Variants in CNNM4 observed in about 807,000 individuals in gnomAD.
CNNM4 encodes the protein cyclin and CBS domain divalent metal cation transport mediator 4, also known as metal transporter CNNM4.
A neutral mutation model predicts 53.7 loss-of-function variants in CNNM4; 32 were observed. The ratio of observed to expected loss-of-function variants is 0.60; its 90% CI spans 0.45 to 0.80. The LOEUF is 0.80. Ranked by LOEUF, CNNM4 falls within the 30% of genes least tolerant of loss-of-function variation. CNNM4 has a pLI of 0.00. For synonymous variants in CNNM4, 410 were observed against 440.0 expected (o/e 0.93, Z 0.85); for missense variants, 784 against 1,022.0 (o/e 0.77, Z 3.17).
chr2:96,786,389 G>A (rs2079016520), intron 1 of CNNM4, among the ~76,000 whole-genome samples: 1 of 151,740 alleles, frequency 6.6e-6, no homozygotes. Context: ...ACTCCAGCCT[G>A]GGTGGCAGAG....
chr2:96,791,253 C>A (rs886465728), intron 1 of CNNM4, among the ~76,000 whole-genome samples: 1 of 152,084 alleles, frequency 6.6e-6, no homozygotes, highest in Non-Finnish European at 1.5e-5. Context: ...CAGGTGTAAG[C>A]CACAGCGCCC....
intron 5 of CNNM4, among the ~76,000 whole-genome samples, chr2:96,802,171 GAC>G (rs147284099): frequency 7.5e-4 from 113 of 149,906 alleles, no homozygotes; most frequent in South Asian, 6.6e-3. Context: ...TACACCCATA[GAC>G]ACACACACAC....
intron 5 of CNNM4, among the ~76,000 whole-genome samples, chr2:96,803,647 A>C (rs1178360228): frequency 6.6e-6 from 1 of 151,560 alleles, no homozygotes; most frequent in Non-Finnish European, 1.5e-5. Context: ...AATCGCTTGA[A>C]CCCAGGAGGC....
chr2:96,799,099 T>G lies in CNNM4; in HGVS notation c.1724T>G (p.Leu575Arg). The change falls in exon 4 of 7, where the codon CTG becomes CGG. Residue 575 changes from leucine to arginine, a missense_variant. Leu to Arg is a moderately radical substitution (Grantham distance 102). Around this residue, in one of 3 missense-constraint regions of CNNM4, gnomAD observed 307 missense variants for 376.3 expected, o/e 0.82. Coordinates refer to ENST00000377075, the MANE Select transcript of CNNM4 (RefSeq NM_020184.4). ...FSPSLISEKI[L>R]LRLLKYPDVI... is the part of the protein sequence containing the mutation. ...CCCTCCCTGATATCAGAGAAGATCC[T>G]GCTGCGGCTACTCAAGTACCCAGAT... The G allele has an allele frequency of 6.2e-7, 1 of 1,614,182 alleles. No homozygotes were observed. The highest frequency in any genetic ancestry group is 1.6e-4 in the Middle Eastern group (1 of 6,062).
intron 1 of CNNM4, among the ~76,000 whole-genome samples, chr2:96,786,644 T>A (rs2079018615): frequency 2.0e-5 from 3 of 151,770 alleles, no homozygotes; most frequent in Admixed American, 2.0e-4. Flanking sequence ...CTCAGCGTGG[T>A]GGCAGGCACC....
intron 5 of CNNM4, among the ~76,000 whole-genome samples, chr2:96,807,267 C>G (rs2079217911): frequency 6.6e-6 from 1 of 152,134 alleles, no homozygotes; most frequent in Admixed American, 6.5e-5. Flanking sequence ...CATCGGCCTC[C>G]TAAGGTGCTT....
In CNNM4 at chr2:96,805,434, T is replaced by TA. The variant is rs1453548147; in HGVS notation, c.1949-3127_1949-3126insA. Among the ~76,000 whole-genome samples, 4 of 139,404 alleles carry TA rather than the reference T, an allele frequency of 2.9e-5. 1 individual carries two copies. Among genetic ancestry groups the TA allele is most frequent in the South Asian group, 4.2e-4 (2 of 4,750 alleles). The allele number at this position is 139,404 out of a possible 152,430, so 91.5% of individuals were successfully genotyped here. The stretch of plus-strand genomic sequence containing the variant: ...TTCTTTTCAGTTTTTTTTTTTTTTT[T>TA]TTTTTATTATTTTTTTTTAAATTTA... On this transcript the variant is annotated intron_variant, in intron 5 of 6. Coordinates refer to ENST00000377075, the MANE Select transcript of CNNM4 (RefSeq NM_020184.4).
intron 5 of CNNM4, among the ~76,000 whole-genome samples, chr2:96,802,939 A>G (rs1328543823): frequency 6.6e-6 from 1 of 152,132 alleles, no homozygotes; most frequent in Non-Finnish European, 1.5e-5. Flanking sequence ...GCCTGTGCCC[A>G]TCAGGAGCAG....
intron 1 of CNNM4, among the ~76,000 whole-genome samples, chr2:96,777,468 C>T (rs546158877): frequency 2.4e-4 from 36 of 152,252 alleles, no homozygotes; most frequent in Admixed American, 1.2e-3. Context: ...CACTTTACAA[C>T]CTCCTGAGTA....
chr2:96,761,218 C>T lies in CNNM4; in HGVS notation c.219C>T (p.Thr73=), dbSNP rs770840063. 5 of 1,614,126 alleles carry T rather than the reference C, an allele frequency of 3.1e-6. No individual in the cohort carries two copies. Among genetic ancestry groups the T allele is most frequent in the South Asian group, 1.1e-5 (1 of 91,086 alleles). The change falls in exon 1 of 7, where the codon ACC becomes ACT. Residue 73 remains threonine, a synonymous_variant. Coordinates refer to ENST00000377075, the MANE Select transcript of CNNM4 (RefSeq NM_020184.4). The surrounding 1 kb of genome is among the most constrained non-coding windows in gnomAD (Gnocchi z 6.0). Reference sequence around the variant, plus strand: ...TCATCTTCGTGTCCGAGGGCAGCACCGTGAACCTGAGGCTGTACGGCTACA... The same window carrying T: ...TCATCTTCGTGTCCGAGGGCAGCACTGTGAACCTGAGGCTGTACGGCTACA... ...DGIIFVSEGS[T]VNLRLYGYSL...
intron 1 of CNNM4, among the ~76,000 whole-genome samples, chr2:96,779,020 G>A (rs1403855266): frequency 6.6e-6 from 1 of 151,834 alleles, no homozygotes; most frequent in Non-Finnish European, 1.5e-5. Flanking sequence ...GCAGTGGCGC[G>A]ATTTTGGCTC....
At position 96,809,242 on chromosome 2, in the gene CNNM4, G is replaced by A. The variant is rs773781250; in HGVS notation, c.2131-78G>A. ...TCTCTCAACTCACAGCCTCAATCCT[G>A]GCCCTGTTTCTCCAGGCCTGGTGAT... On this transcript the variant is annotated intron_variant, in intron 6 of 6. Coordinates refer to ENST00000377075, the MANE Select transcript of CNNM4 (RefSeq NM_020184.4). 36 of 1,590,506 alleles carry A rather than the reference G, an allele frequency of 2.3e-5. No individual in the cohort carries two copies. The Middle Eastern group carries it at 1.2e-3, about 51-fold the overall frequency.
chr2:96,809,601 A>C lies in CNNM4; in HGVS notation c.*84A>C. 8.2e-7 allele frequency: 1 copy of C among 1,226,848 alleles called. No individual in the cohort carries two copies. The highest frequency in any genetic ancestry group is 1.2e-6 in the Non-Finnish European group (1 of 842,832). The allele number at this position is 1,226,848 out of a possible 1,614,324, so 76.0% of individuals were successfully genotyped here. On this transcript the variant is annotated 3_prime_UTR_variant, in exon 7 of 7. Transcript: ENST00000377075. ...AAGAGAGGGAACCTGTTAGTCCAGA[A>C]AGGATACGGATAGATAGCCTGTCTG... is the stretch of plus-strand genomic sequence containing the variant.
In CNNM4 at chr2:96,761,179, G is replaced by T; in HGVS notation, c.180G>T (p.Thr60=). The T allele has an allele frequency of 6.2e-7, 1 of 1,613,202 alleles. No homozygotes were observed. Among genetic ancestry groups the T allele is most frequent in the Non-Finnish European group, 8.5e-7 (1 of 1,179,314 alleles). ...RLASCNKSCG[T]NPDGIIFVSE... Reference sequence around the variant, plus strand: ...CGAGCTGCAACAAGTCGTGTGGGACGAACCCGGATGGCATCATCTTCGTGT... The same window carrying T: ...CGAGCTGCAACAAGTCGTGTGGGACTAACCCGGATGGCATCATCTTCGTGT... Residue 60 remains threonine (T), a synonymous_variant, in exon 1 of 7, where the codon ACG becomes ACT. Coordinates refer to ENST00000377075, the MANE Select transcript of CNNM4 (RefSeq NM_020184.4). This position sits in a 1 kb window ranked among gnomAD's most constrained non-coding sequence, Gnocchi z 6.0.
chr2:96,760,911 G>C lies in CNNM4; in HGVS notation c.-89G>C, dbSNP rs1218332677. The C allele has an allele frequency of 9.7e-6, 7 of 723,814 alleles. No individual in the cohort carries two copies. Among genetic ancestry groups the C allele is most frequent in the East Asian group, 1.3e-4 (1 of 7,672 alleles). The allele number at this position is 723,814 out of a possible 1,614,324, so 44.8% of individuals were successfully genotyped here. ...GGCTCGCGGCCCGGGCAGTTGGCTC[G>C]GCGGCAGCGGAGCGGCCGGAGCTGC... is the stretch of plus-strand genomic sequence containing the variant. On this transcript the variant is annotated 5_prime_UTR_variant, in exon 1 of 7. Coordinates refer to ENST00000377075, the MANE Select transcript of CNNM4 (RefSeq NM_020184.4).
Position 96,808,530 on chromosome 2 carries a change from T to G in CNNM4, c.1949-31T>G. The G allele has an allele frequency of 6.2e-7, 1 of 1,613,440 alleles. No homozygotes were observed. The highest frequency in any genetic ancestry group is 8.5e-7 in the Non-Finnish European group (1 of 1,179,610). ...GGTGAGAGTGGGCATCGGAGTGGCC[T>G]TTGGCATGACAACCTCTGCTCTCCC... On this transcript the variant is annotated intron_variant, in intron 5 of 6. Transcript: ENST00000377075. This position sits in a 1 kb window ranked among gnomAD's most constrained non-coding sequence, Gnocchi z 4.9.
In CNNM4 at chr2:96,761,780, C is replaced by G. The variant is rs1390661875; in HGVS notation, c.781C>G (p.Leu261Val). Residue 261 changes from leucine to valine, a missense_variant, in exon 1 of 7, where the codon CTA becomes GTA. Transcript: ENST00000377075. This position sits in a 1 kb window ranked among gnomAD's most constrained non-coding sequence, Gnocchi z 6.0. Reference sequence around the variant, plus strand: ...GGTCAACACCTCCCTCACAATCCTTCTAGACAACCTCATCGGGTCCGGCCT... The same window carrying G: ...GGTCAACACCTCCCTCACAATCCTTGTAGACAACCTCATCGGGTCCGGCCT... Reference protein sequence around the residue: ...VLVNTSLTILLDNLIGSGLMA... With the variant: ...VLVNTSLTILVDNLIGSGLMA... The G allele has an allele frequency of 6.2e-7, 1 of 1,612,938 alleles. No individual in the cohort carries two copies. Among genetic ancestry groups the G allele is most frequent in the East Asian group, 2.2e-5 (1 of 44,894 alleles).
intron 1 of CNNM4, among the ~76,000 whole-genome samples, chr2:96,787,656 G>A (rs1474443972): frequency 6.6e-6 from 1 of 151,986 alleles, no homozygotes; most frequent in East Asian, 1.9e-4. Context: ...CCAGGAGTTC[G>A]AGATCAGCCT....
At chr2:96,803,725 T>TAA (rs75290184) in intron 5 of CNNM4, among the ~76,000 whole-genome samples, 1 of 143,460 alleles carries the variant, frequency 7.0e-6, no homozygotes, top group Admixed American at 7.0e-5. Context: ...AAACTCTGTC[T>TAA]AAAAAAAAAA....
Sources: allele counts gnomAD v4.1 joint callset (sites outside exome capture counted in the v4.1 genomes callset), GRCh38; gene constraint gnomAD v4.1.1; regional missense constraint gnomAD v4.1.1; non-coding constraint Gnocchi (gnomAD v3.1); transcripts MANE v1.5; gene names NCBI Gene and HGNC (gene_info 2026-07-23, HGNC 2026-07-21).